RALGAPA2: variants seen among roughly 807,000 people sequenced by gnomAD.
The protein encoded by RALGAPA2 is Ral GTPase activating protein catalytic subunit alpha 2, also known as ral GTPase-activating protein subunit alpha-2.
In RALGAPA2, 139 loss-of-function variants were observed where a neutral mutation model predicts 230.4. The observed-to-expected ratio is 0.60, with a 90% confidence interval of 0.53 to 0.69. RALGAPA2 has a LOEUF of 0.69. RALGAPA2 is among the 30% of genes least tolerant of loss of function. The probability of loss-of-function intolerance (pLI) is 0.00; values close to 1 mark genes in which losing one functional copy is unlikely to be tolerated. For missense variants in RALGAPA2, 2,163 were observed against 2,276.0 expected, an observed-to-expected ratio of 0.95 and a Z score of 1.01; for synonymous variants, 847 against 837.8, an observed-to-expected ratio of 1.01 and a Z score of -0.19.
intron 27 of RALGAPA2, among the ~76,000 whole-genome samples, chr20:20,527,984 A>C (rs2145523043): frequency 6.6e-6 from 1 of 152,304 alleles, no homozygotes; most frequent in East Asian, 1.9e-4. Context: ...CTATGGGCAG[A>C]CAGGAGTGGG....
chr20:20,591,452 A>C (rs6075681), intron 16 of RALGAPA2, 138 bp from the exon 17 acceptor site: 58,013 of 1,077,050 alleles, frequency 0.054, 2,471 homozygotes, highest in African/African-American at 0.17. Context: ...TCTGCATTTA[A>C]ATGATCAAGT....
At chr20:20,678,846 C>T (rs2068426585) in intron 2 of RALGAPA2, among the ~76,000 whole-genome samples, 1 of 152,078 alleles carries the variant, frequency 6.6e-6, no homozygotes, top group African/African-American at 2.4e-5. Context: ...TTTCTCTCCG[C>T]ACTCACTAAC....
intron 2 of RALGAPA2, 34 bp downstream of exon 2, chr20:20,680,657 A>AT: frequency 6.7e-7 from 1 of 1,502,420 alleles, no homozygotes; most frequent in South Asian, 1.3e-5. Flanking sequence ...AAATGCCCGA[A>AT]TGTTTTTTAA....
intron 16 of RALGAPA2, among the ~76,000 whole-genome samples, chr20:20,600,731 G>T (rs1395767306): frequency 6.6e-6 from 1 of 152,194 alleles, no homozygotes; most frequent in African/African-American, 2.4e-5. Context: ...AAAGTCACTG[G>T]GGAGGAGGTG....
intron 3 of RALGAPA2, 87 bp downstream of exon 3, chr20:20,676,149 T>G: frequency 1.0e-6 from 1 of 971,980 alleles, no homozygotes. Context: ...ACAGCCATTT[T>G]TATTTGTCTT....
chr20:20,634,000 A>G (rs2066772644), intron 9 of RALGAPA2, among the ~76,000 whole-genome samples: 2 of 152,184 alleles, frequency 1.3e-5, no homozygotes, highest in South Asian at 4.1e-4. Flanking sequence ...GTTCAATACT[A>G]ATCTCAGTCT....
intron 37 of RALGAPA2, among the ~76,000 whole-genome samples, chr20:20,415,337 C>A (rs1334312267): frequency 1.3e-5 from 2 of 152,240 alleles, no homozygotes. Context: ...GGTCACCAAT[C>A]CGATCCCTGT....
intron 15 of RALGAPA2, among the ~76,000 whole-genome samples, chr20:20,602,601 A>G (rs2065689469): frequency 6.6e-6 from 1 of 152,234 alleles, no homozygotes; most frequent in Non-Finnish European, 1.5e-5. Context: ...CTAGTAGTCT[A>G]GCCCTTAGAA....
chr20:20,512,605 G>A lies in RALGAPA2; in HGVS notation c.4764C>T (p.Ser1588=), dbSNP rs764974375. The change falls in exon 32 of 40, where the codon AGC becomes AGT. Residue 1588 remains serine, a synonymous_variant. Transcript: ENST00000202677. ...HNFDSAMKVT[S]QGQPSPVEPR... is the part of the protein sequence containing the mutation. Reference sequence around the variant, plus strand: ...GCTCCACTGGGGAGGGCTGCCCTTGGCTGGTGACTTTCATTGCAGAATCGA... The same window carrying A: ...GCTCCACTGGGGAGGGCTGCCCTTGACTGGTGACTTTCATTGCAGAATCGA... The A allele has an allele frequency of 3.7e-6, 6 of 1,613,948 alleles. No homozygotes were observed. Among genetic ancestry groups the A allele is most frequent in the Non-Finnish European group, 5.1e-6 (6 of 1,179,846 alleles).
intron 37 of RALGAPA2, among the ~76,000 whole-genome samples, chr20:20,450,449 T>C (rs373342368): frequency 4.6e-5 from 7 of 152,246 alleles, no homozygotes; most frequent in African/African-American, 1.4e-4. Flanking sequence ...TTGGTAACAA[T>C]AATGAGAGAA....
chr20:20,567,273 C>T (rs2145883867), intron 23 of RALGAPA2, among the ~76,000 whole-genome samples: 1 of 152,274 alleles, frequency 6.6e-6, no homozygotes, highest in South Asian at 2.1e-4. Flanking sequence ...TTAATAAAAA[C>T]TGTTTTTAAT....
chr20:20,392,120 G>T lies in RALGAPA2; in HGVS notation c.*1169C>A, dbSNP rs944821731. On this transcript the variant is annotated 3_prime_UTR_variant, in exon 40 of 40. Coordinates refer to ENST00000202677, the MANE Select transcript of RALGAPA2 (RefSeq NM_020343.4). ...TGCAGGACGGGCAAGGCCCACCCAG[G>T]GCGCCCCAGCAGGAGAGGGCTCACC... is the stretch of plus-strand genomic sequence containing the variant. 4 of 152,336 alleles carry T rather than the reference G, an allele frequency of 2.6e-5. No homozygotes were observed. The East Asian group carries it at 7.7e-4, about 29-fold the overall frequency. The allele number at this position is 152,336 out of a possible 1,614,324, so 9.4% of individuals were successfully genotyped here. A position where few individuals can be genotyped will look rare whatever the true frequency, so the allele number is the denominator to read the frequency against.
intron 1 of RALGAPA2, among the ~76,000 whole-genome samples, chr20:20,696,724 A>G (rs1281080134): frequency 6.6e-6 from 1 of 151,804 alleles, no homozygotes; most frequent in South Asian, 2.1e-4. Context: ...TTAGAACACT[A>G]TTCCCCAAAA....
chr20:20,400,384 G>A (rs2059806535), intron 38 of RALGAPA2, among the ~76,000 whole-genome samples: 1 of 152,174 alleles, frequency 6.6e-6, no homozygotes, highest in South Asian at 2.1e-4. Flanking sequence ...GGAAGGGAGG[G>A]AGGAAGGGAA....
chr20:20,622,286 TGG>T (rs2066348563), intron 10 of RALGAPA2, among the ~76,000 whole-genome samples: 1 of 150,912 alleles, frequency 6.6e-6, no homozygotes, highest in Middle Eastern at 3.5e-3. Flanking sequence ...AAAAAAAAGA[TGG>T]GGGAAAGAAA....
At chr20:20,396,645 C>G in intron 39 of RALGAPA2, 50 bp downstream of exon 39, 2 of 1,535,796 alleles carry the variant, frequency 1.3e-6, no homozygotes, top group Non-Finnish European at 1.8e-6. Context: ...AGTCCCACCC[C>G]CTCCCCAAAG....
chr20:20,580,736 T>C (rs2064960475), intron 20 of RALGAPA2, among the ~76,000 whole-genome samples: 1 of 152,194 alleles, frequency 6.6e-6, no homozygotes, highest in Admixed American at 6.5e-5. Context: ...TTTAAGACAA[T>C]GCACAGTAAA....
intron 19 of RALGAPA2, among the ~76,000 whole-genome samples, 190 bp from the exon 20 acceptor site, chr20:20,583,416 A>C (rs1772573200): frequency 6.6e-6 from 1 of 152,184 alleles, no homozygotes; most frequent in Non-Finnish European, 1.5e-5. Flanking sequence ...CAAGAAAATG[A>C]ATCTTCCAAA....
chr20:20,433,881 A>C (rs2060550329), intron 37 of RALGAPA2, among the ~76,000 whole-genome samples: 1 of 152,264 alleles, frequency 6.6e-6, no homozygotes, highest in Non-Finnish European at 1.5e-5. Flanking sequence ...TTATCAGAAC[A>C]GAAAGTAGAT....
Sources: allele counts gnomAD v4.1 joint callset (sites outside exome capture counted in the v4.1 genomes callset), GRCh38; gene constraint gnomAD v4.1.1; transcripts MANE v1.5; gene names NCBI Gene and HGNC (gene_info 2026-07-23, HGNC 2026-07-21).